Variants in NR3C1 observed in about 807,000 individuals in gnomAD.
The protein encoded by NR3C1 is glucocorticoid receptor.
NR3C1 carries 14 observed loss-of-function variants against 74.0 expected under a neutral mutation model. The observed-to-expected ratio is 0.19, with a 90% confidence interval of 0.12 to 0.30. NR3C1 has a LOEUF of 0.30. Among genes scored for constraint, NR3C1 ranks in the 10% least tolerant of loss-of-function variants. The pLI is 1.00. For synonymous variants in NR3C1, 308 were observed against 332.5 expected (o/e 0.93, Z 0.80); for missense variants, 695 against 909.8 (o/e 0.76, Z 3.04).
intron 2 of NR3C1, among the ~76,000 whole-genome samples, chr5:143,379,721 G>T (rs890654527): frequency 1.3e-5 from 2 of 152,056 alleles, no homozygotes; most frequent in Non-Finnish European, 1.5e-5. Context: ...TGGTTCTTTT[G>T]TAACTCTAAT....
chr5:143,290,086 T>C (rs1815506125), intron 7 of NR3C1, among the ~76,000 whole-genome samples: 1 of 152,248 alleles, frequency 6.6e-6, no homozygotes. Context: ...CTATGAATTT[T>C]TGTATTATGT....
intron 2 of NR3C1, among the ~76,000 whole-genome samples, chr5:143,380,230 G>T (rs187264751): frequency 1.3e-5 from 2 of 152,160 alleles, no homozygotes; most frequent in Non-Finnish European, 2.9e-5. Context: ...ACTTAAATTT[G>T]CAAAGTAAGA....
chr5:143,299,005 G>GTTTTTTTTT (rs35039262), intron 5 of NR3C1, among the ~76,000 whole-genome samples, 193 bp from the exon 6 acceptor site: 5 of 106,726 alleles, frequency 4.7e-5, no homozygotes, highest in Non-Finnish European at 5.6e-5. Flanking sequence ...ACCCTCTTGT[G>GTTTTTTTTT]TTTTTTTTTT....
At chr5:143,427,594 T>G (rs1362162715) in intron 1 of NR3C1, among the ~76,000 whole-genome samples, 1 of 152,186 alleles carries the variant, frequency 6.6e-6, no homozygotes, top group Non-Finnish European at 1.5e-5. Flanking sequence ...ATGGAGGACC[T>G]GCTAGCAATA....
chr5:143,365,408 A>G (rs920391533), intron 2 of NR3C1, among the ~76,000 whole-genome samples: 2 of 152,210 alleles, frequency 1.3e-5, no homozygotes, highest in African/African-American at 4.8e-5. Flanking sequence ...AAATAGACTT[A>G]AGATAAAAAT....
intron 2 of NR3C1, among the ~76,000 whole-genome samples, chr5:143,385,060 C>G (rs974666486): frequency 6.6e-6 from 1 of 152,356 alleles, no homozygotes; most frequent in Admixed American, 6.5e-5. Flanking sequence ...AGGCCCAACA[C>G]CACATGAAGG....
At chr5:143,344,567 T>C (rs1412327963) in intron 2 of NR3C1, among the ~76,000 whole-genome samples, 3 of 152,002 alleles carry the variant, frequency 2.0e-5, no homozygotes, top group Non-Finnish European at 2.9e-5. Context: ...GTTTTAACGT[T>C]GATGAGAAAA....
chr5:143,319,448 T>C lies in NR3C1; in HGVS notation c.1185-5280A>G, dbSNP rs143910878. ...TATCACCTCAGAAAGCAAGTGTTAATATGGAAAAAAATTCCAGAAATACAG... is the reference window on the plus strand; with the variant it reads ...TATCACCTCAGAAAGCAAGTGTTAACATGGAAAAAAATTCCAGAAATACAG... On this transcript the variant is annotated intron_variant, in intron 2 of 8. Coordinates refer to ENST00000394464, the MANE Select transcript of NR3C1 (RefSeq NM_000176.3). Among the ~76,000 whole-genome samples, 156 of 152,296 alleles carry C rather than the reference T, an allele frequency of 1.0e-3. 3 individuals carry two copies. The East Asian group carries it at 0.022, about 22-fold the overall frequency.
intron 2 of NR3C1, chr5:143,332,475 TGATAG>T: frequency 9.3e-6 from 5 of 536,530 alleles, no homozygotes; most frequent in Non-Finnish European, 1.6e-5. Context: ...CCTGATGAGT[TGATAG>T]GTACAGCAAA....
In NR3C1 at chr5:143,366,481, G is replaced by C. The variant is rs192426326; in HGVS notation, c.1184+33175C>G. 2.0e-5 allele frequency among the ~76,000 whole-genome samples: 3 copies of C among 149,154 alleles called. No individual in the cohort carries two copies. In the East Asian group the frequency reaches 5.9e-4, roughly 29 times the overall value. On this transcript the variant is annotated intron_variant, in intron 2 of 8. Transcript: ENST00000394464. ...GCCGAGATTGCACCACTGCACTCTA[G>C]ACTGGGTGACAAGATGGAAATTCTG...
At chr5:143,348,278 G>C (rs1184795252) in intron 2 of NR3C1, among the ~76,000 whole-genome samples, 1 of 152,098 alleles carries the variant, frequency 6.6e-6, no homozygotes, top group East Asian at 1.9e-4. Flanking sequence ...CAGTGAATGG[G>C]GCAGGTTATA....
intron 3 of NR3C1, among the ~76,000 whole-genome samples, chr5:143,311,598 G>A (rs1166922222): frequency 6.6e-6 from 1 of 152,054 alleles, no homozygotes; most frequent in Non-Finnish European, 1.5e-5. Flanking sequence ...ACATGGCCAC[G>A]TACAACTAAT....
chr5:143,331,371 T>G (rs1253294956), intron 2 of NR3C1, among the ~76,000 whole-genome samples: 2 of 152,206 alleles, frequency 1.3e-5, no homozygotes, highest in African/African-American at 4.8e-5. Flanking sequence ...GAAAGCAGTT[T>G]GATGATTTCT....
intron 1 of NR3C1, among the ~76,000 whole-genome samples, chr5:143,401,095 G>A (rs1366246337): frequency 1.3e-5 from 2 of 152,216 alleles, no homozygotes; most frequent in Non-Finnish European, 2.9e-5. Flanking sequence ...GAGGGCAAAA[G>A]TGTATCGAAC....
intron 2 of NR3C1, among the ~76,000 whole-genome samples, chr5:143,351,884 C>A (rs1456391085): frequency 6.6e-6 from 1 of 152,162 alleles, no homozygotes; most frequent in Non-Finnish European, 1.5e-5. Context: ...ATACTACAAG[C>A]TAGTTGGGAA....
chr5:143,382,150 G>A (rs775080266), intron 2 of NR3C1, among the ~76,000 whole-genome samples: 1 of 152,054 alleles, frequency 6.6e-6, no homozygotes, highest in Non-Finnish European at 1.5e-5. Context: ...GCCAACAGGT[G>A]TATGAAGAAA....
At chr5:143,337,161 G>C (rs1242729244) in intron 2 of NR3C1, among the ~76,000 whole-genome samples, 1 of 152,096 alleles carries the variant, frequency 6.6e-6, no homozygotes, top group Non-Finnish European at 1.5e-5. Flanking sequence ...GGCAAATTTG[G>C]ATTTCAACTA....
At chr5:143,424,402 T>C (rs1358920432) in intron 1 of NR3C1, among the ~76,000 whole-genome samples, 1 of 152,162 alleles carries the variant, frequency 6.6e-6, no homozygotes, top group African/African-American at 2.4e-5. Flanking sequence ...TTACAAATGC[T>C]TGAGGTGACG....
intron 2 of NR3C1, among the ~76,000 whole-genome samples, chr5:143,325,115 A>C (rs1257196203): frequency 6.6e-6 from 1 of 151,754 alleles, no homozygotes; most frequent in African/African-American, 2.4e-5. Flanking sequence ...AGCAACACCC[A>C]CTCTACTGGT....
Sources: gnomAD v4.1 joint callset for allele counts (sites outside exome capture counted in the v4.1 genomes callset) on GRCh38, gnomAD v4.1.1 for gene constraint, MANE v1.5 for transcripts, NCBI Gene and HGNC (gene_info 2026-07-23, HGNC 2026-07-21) for gene names.